CGRRF1: variants seen among roughly 807,000 people sequenced by gnomAD.
CGRRF1 encodes cell growth regulator with ring finger domain 1.
Under a neutral mutation model 37.2 loss-of-function variants are expected in CGRRF1, and 32 were observed. The observed-to-expected ratio is 0.86, with a 90% confidence interval of 0.65 to 1.16. The LOEUF (loss-of-function observed/expected upper bound fraction) is 1.16, where lower values mean the gene tolerates loss of function less well. Among genes scored for constraint, CGRRF1 ranks in the 50% most tolerant of loss-of-function variants. CGRRF1 has a pLI of 0.00. For missense variants in CGRRF1, 391 were observed against 382.6 expected (o/e 1.02, Z -0.18); for synonymous variants, 141 against 140.3 (o/e 1.00, Z -0.04).
At chr14:54,532,660 G>A (rs2032534907) in intron 4 of CGRRF1, among the ~76,000 whole-genome samples, 1 of 150,384 alleles carries the variant, frequency 6.6e-6, no homozygotes, top group South Asian at 2.1e-4. Context: ...ACCTAGTACA[G>A]TGCCTAGGAT....
intron 1 of CGRRF1, among the ~76,000 whole-genome samples, chr14:54,521,461 C>CA (rs140179261): frequency 9.1e-4 from 125 of 137,216 alleles, no homozygotes; most frequent in Admixed American, 8.7e-4. Context: ...AACTCCATCT[C>CA]AAAAAAAAAA....
intron 1 of CGRRF1, among the ~76,000 whole-genome samples, chr14:54,516,919 T>A (rs2032227766): frequency 6.6e-6 from 1 of 152,188 alleles, no homozygotes; most frequent in African/African-American, 2.4e-5. Context: ...AATCTTTTAT[T>A]GTGCAATACC....
intron 1 of CGRRF1, among the ~76,000 whole-genome samples, chr14:54,520,203 G>T (rs145993586): frequency 0.044 from 6,641 of 152,212 alleles, 209 homozygotes; most frequent in Non-Finnish European, 0.071. Flanking sequence ...CAGACTCCCA[G>T]GTTCACGCCA....
intron 2 of CGRRF1, among the ~76,000 whole-genome samples, chr14:54,526,563 T>C (rs758604821): frequency 2.0e-5 from 3 of 152,180 alleles, no homozygotes; most frequent in Non-Finnish European, 4.4e-5. Flanking sequence ...GTTGTTGTTA[T>C]TATGTAATGA....
At chr14:54,517,574 A>AATT (rs970629896) in intron 1 of CGRRF1, among the ~76,000 whole-genome samples, 47 of 151,670 alleles carry the variant, frequency 3.1e-4, no homozygotes, top group Middle Eastern at 3.4e-3. Flanking sequence ...TCCACTTTGC[A>AATT]ATTATTATTA....
In CGRRF1 at chr14:54,513,627, T is replaced by TTATGTTATG. The variant is rs1566506204; in HGVS notation, c.104+3566_104+3574dup. ...TTATGTTATGTTATGTAATGTTATG[T>TTATGTTATG]TATGTTATGTTATTTTTGAGACAGA... On this transcript the variant is annotated intron_variant, in intron 1 of 5. Transcript: ENST00000216420. Among the ~76,000 whole-genome samples the TTATGTTATG allele has an allele frequency of 6.8e-4, 99 of 144,942 alleles. No individual in the cohort carries two copies. In the East Asian group the frequency reaches 0.011, roughly 16 times the overall value.
intron 1 of CGRRF1, among the ~76,000 whole-genome samples, chr14:54,519,512 A>G (rs550114125): frequency 1.3e-5 from 2 of 151,630 alleles, no homozygotes; most frequent in African/African-American, 4.8e-5. Flanking sequence ...CAGCCTCCCA[A>G]AGTTCTGGGA....
Position 54,538,334 on chromosome 14 carries a change from C to T in CGRRF1, c.950C>T (p.Ala317Val). The change falls in exon 6 of 6, where the codon GCA becomes GTA. Residue 317 changes from alanine to valine, a missense_variant. By Grantham distance (64) the Ala-to-Val change is moderately conservative (BLOSUM62 0). Coordinates refer to ENST00000216420, the MANE Select transcript of CGRRF1 (RefSeq NM_006568.3). ...MCRQFVQESF[A>V]LCSQKEQDKD... Reference sequence around the variant, plus strand: ...AGGCAGTTTGTTCAGGAATCTTTTGCACTTTGCAGTCAAAAAGAGCAAGAT... The same window carrying T: ...AGGCAGTTTGTTCAGGAATCTTTTGTACTTTGCAGTCAAAAAGAGCAAGAT... 1 of 1,613,212 alleles carries T rather than the reference C, an allele frequency of 6.2e-7. No homozygotes were observed. The highest frequency in any genetic ancestry group is 8.5e-7 in the Non-Finnish European group (1 of 1,179,210).
chr14:54,530,065 A>G lies in CGRRF1; in HGVS notation c.261A>G (p.Thr87=), dbSNP rs771697617. 4 of 1,610,148 alleles carry G rather than the reference A, an allele frequency of 2.5e-6. No individual in the cohort carries two copies. Among genetic ancestry groups the G allele is most frequent in the Non-Finnish European group, 3.4e-6 (4 of 1,177,020 alleles). The change falls in exon 3 of 6, where the codon ACA becomes ACG. Residue 87 remains threonine (T), a synonymous_variant. Coordinates refer to ENST00000216420, the MANE Select transcript of CGRRF1 (RefSeq NM_006568.3). ...SASITTGITL[T]TDCLEDSLLT... ...TTTTTACAGCTGGCATAACCTTGACAACAGATTGCCTTGAAGATAGCCTCC... is the reference window on the plus strand; with the variant it reads ...TTTTTACAGCTGGCATAACCTTGACGACAGATTGCCTTGAAGATAGCCTCC...
At position 54,537,844 on chromosome 14, in the gene CGRRF1, G is replaced by A. The variant is rs2140068979; in HGVS notation, c.678+15G>A. 1 of 1,587,806 alleles carries A rather than the reference G, an allele frequency of 6.3e-7. No individual in the cohort carries two copies. The highest frequency in any genetic ancestry group is 8.5e-7 in the Non-Finnish European group (1 of 1,173,276). On this transcript the variant is annotated intron_variant, in intron 5 of 5. Coordinates refer to ENST00000216420, the MANE Select transcript of CGRRF1 (RefSeq NM_006568.3). ...ATGATCTTAAGGTAAGCCGTACTCTGTAGTCTTATCTCTGTCTCTTTTGTT... is the reference window on the plus strand; with the variant it reads ...ATGATCTTAAGGTAAGCCGTACTCTATAGTCTTATCTCTGTCTCTTTTGTT...
intron 2 of CGRRF1, among the ~76,000 whole-genome samples, chr14:54,525,856 G>A (rs145106681): frequency 0.01 from 1,529 of 152,218 alleles, 14 homozygotes; most frequent in Admixed American, 0.021. Context: ...CAGTACTCTG[G>A]GAGGCTGAGA....
chr14:54,535,484 G>A (rs966201866), intron 4 of CGRRF1, among the ~76,000 whole-genome samples: 3 of 151,938 alleles, frequency 2.0e-5, no homozygotes, highest in African/African-American at 2.4e-5. Flanking sequence ...TGAGCTGCCC[G>A]GGTGATGTGT....
At chr14:54,534,960 A>G (rs1594657725) in intron 4 of CGRRF1, among the ~76,000 whole-genome samples, 1 of 151,978 alleles carries the variant, frequency 6.6e-6, no homozygotes, top group South Asian at 2.1e-4. Context: ...CTCAAGCAGT[A>G]CTCCCACTGT....
At chr14:54,534,521 A>G (rs1187272447) in intron 4 of CGRRF1, among the ~76,000 whole-genome samples, 6 of 152,210 alleles carry the variant, frequency 3.9e-5, no homozygotes, top group Non-Finnish European at 8.8e-5. Flanking sequence ...TAAATTAATA[A>G]ATCTTTATAA....
intron 2 of CGRRF1, among the ~76,000 whole-genome samples, chr14:54,525,758 T>C (rs904083116): frequency 4.6e-5 from 7 of 152,300 alleles, no homozygotes; most frequent in African/African-American, 1.7e-4. Flanking sequence ...CTGCCTGACA[T>C]ATAGCAGAAG....
At chr14:54,526,400 C>T (rs187076481) in intron 2 of CGRRF1, among the ~76,000 whole-genome samples, 18 of 151,712 alleles carry the variant, frequency 1.2e-4, no homozygotes, top group Middle Eastern at 6.8e-3. Context: ...CTGCCCACCT[C>T]GGCCTCCCAA....
At chr14:54,532,654 A>G (rs2032534805) in intron 4 of CGRRF1, among the ~76,000 whole-genome samples, 1 of 151,866 alleles carries the variant, frequency 6.6e-6, no homozygotes, top group African/African-American at 2.4e-5. Context: ...TCCAGAACCT[A>G]GTACAGTGCC....
At chr14:54,510,522 G>A (rs2032112323) in intron 1 of CGRRF1, among the ~76,000 whole-genome samples, 1 of 152,178 alleles carries the variant, frequency 6.6e-6, no homozygotes, top group Non-Finnish European at 1.5e-5. Context: ...GGAGCCCTTA[G>A]CCTCAGATCT....
chr14:54,538,081 A>G lies in CGRRF1; in HGVS notation c.697A>G (p.Asn233Asp), dbSNP rs982565104. The G allele has an allele frequency of 3.1e-6, 5 of 1,605,680 alleles. No individual in the cohort carries two copies. Among genetic ancestry groups the G allele is most frequent in the Admixed American group, 1.7e-5 (1 of 58,260 alleles). Residue 233 changes from asparagine (N) to aspartate (D), a missense_variant, in exon 6 of 6, where the codon AAT becomes GAT. Coordinates refer to ENST00000216420, the MANE Select transcript of CGRRF1 (RefSeq NM_006568.3). Reference sequence around the variant, plus strand: ...TTTTCAGCAACTTTTCATGTCTGCAAATAATAATTTCACTCCCTCCAACAA... The same window carrying G: ...TTTTCAGCAACTTTTCATGTCTGCAGATAATAATTTCACTCCCTCCAACAA... ...HDLKQLFMSA[N>D]NNFTPSNNSS...
Sources: gnomAD v4.1 joint callset for allele counts (sites outside exome capture counted in the v4.1 genomes callset) on GRCh38, gnomAD v4.1.1 for gene constraint, MANE v1.5 for transcripts, NCBI Gene and HGNC (gene_info 2026-07-23, HGNC 2026-07-21) for gene names.